Variants in TINAGL1 observed in about 807,000 individuals in gnomAD.
TINAGL1 encodes tubulointerstitial nephritis antigen like 1.
In TINAGL1, 34 loss-of-function variants were observed where a neutral mutation model predicts 62.0. The ratio of observed to expected loss-of-function variants is 0.55; its 90% CI spans 0.42 to 0.73. The LOEUF (loss-of-function observed/expected upper bound fraction) is 0.73. Among genes scored for constraint, TINAGL1 ranks in the 30% least tolerant of loss-of-function variants. TINAGL1 has a pLI of 0.00. For missense variants in TINAGL1, 516 were observed against 653.2 expected (o/e 0.79, Z 2.29); for synonymous variants, 221 against 249.7 (o/e 0.88, Z 1.08).
chr1:31,579,422 A>T (rs944286218), intron 3 of TINAGL1, among the ~76,000 whole-genome samples, 155 bp downstream of exon 3: 1 of 152,214 alleles, frequency 6.6e-6, no homozygotes, highest in African/African-American at 2.4e-5. Context: ...TTTAACACTG[A>T]CCAAGTCAAC....
intron 3 of TINAGL1, chr1:31,580,304 T>C (rs1263851007): frequency 1.6e-5 from 20 of 1,252,596 alleles, no homozygotes; most frequent in Middle Eastern, 4.8e-4. Flanking sequence ...TCTGGAATGC[T>C]GGGACCTGCT....
chr1:31,577,158 T>G lies in TINAGL1; in HGVS notation c.10T>G (p.Cys4Gly). MWRCPLGLLLLLPL... is the reference protein window; with the variant it reads MWRGPLGLLLLLPL... ...GGGCCCAGGAGCCACCATGTGGCGA[T>G]GTCCACTGGGGCTACTGCTGTTGCT... Residue 4 changes from cysteine to glycine, a missense_variant, in exon 2 of 12, where the codon TGT becomes GGT. Cys to Gly is a radical substitution (Grantham distance 159). Transcript: ENST00000271064. This position sits in a 1 kb window ranked among gnomAD's most constrained non-coding sequence, Gnocchi z 5.4. The G allele has an allele frequency of 6.5e-7, 1 of 1,534,608 alleles. No individual in the cohort carries two copies. The highest frequency in any genetic ancestry group is 8.7e-7 in the Non-Finnish European group (1 of 1,144,540).
Position 31,585,915 on chromosome 1 carries a change from G to A in TINAGL1, c.1217+39G>A. On this transcript the variant is annotated intron_variant, in intron 10 of 11. Coordinates refer to ENST00000271064, the MANE Select transcript of TINAGL1 (RefSeq NM_022164.3). This position sits in a 1 kb window ranked among gnomAD's most constrained non-coding sequence, Gnocchi z 4.3. ...GGGCAGAGGGGGTTTGGGACAGCAG[G>A]GTTTGTGCTAGGGGCTCTGGAGCCT... 6.5e-7 allele frequency: 1 copy of A among 1,543,694 alleles called. No homozygotes were observed. The highest frequency in any genetic ancestry group is 8.8e-7 in the Non-Finnish European group (1 of 1,142,720).
rs114659838 is a variant in TINAGL1, at chr1:31,582,850, A to G, written c.375-299A>G. On this transcript the variant is annotated intron_variant, in intron 3 of 11. Coordinates refer to ENST00000271064, the MANE Select transcript of TINAGL1 (RefSeq NM_022164.3). Reference sequence around the variant, plus strand: ...CCGTTTTCTGAGAACTGTAGGGGGAATAAGTGAGGGGGGTCAGGAATTCGG... The same window carrying G: ...CCGTTTTCTGAGAACTGTAGGGGGAGTAAGTGAGGGGGGTCAGGAATTCGG... Among the ~76,000 whole-genome samples, 1,436 of 148,722 alleles carry G rather than the reference A, an allele frequency of 9.7e-3. 14 individuals are homozygous for G. Among genetic ancestry groups the G allele is most frequent in the Middle Eastern group, 0.031 (9 of 292 alleles).
Position 31,576,893 on chromosome 1 carries a change from A to G in TINAGL1, c.-15-241A>G. On this transcript the variant is annotated intron_variant, in intron 1 of 11. Transcript: ENST00000271064. This position sits in a 1 kb window ranked among gnomAD's most constrained non-coding sequence, Gnocchi z 5.1. Reference sequence around the variant, plus strand: ...GAGCACCAAGAATGCCACCACCCTCATTTCCTTGTCCTTGAAGGTCCCTGC... The same window carrying G: ...GAGCACCAAGAATGCCACCACCCTCGTTTCCTTGTCCTTGAAGGTCCCTGC... The G allele has an allele frequency of 2.2e-6, 1 of 447,184 alleles. No homozygotes were observed. The highest frequency in any genetic ancestry group is 3.9e-6 in the Non-Finnish European group (1 of 253,788). 27.7% of individuals were successfully genotyped at this position (447,184 alleles called of 1,614,324 possible).
rs1191894452 is a variant in TINAGL1, at chr1:31,577,394, C to T, written c.246C>T (p.Ser82=). 3.7e-6 allele frequency: 6 copies of T among 1,613,984 alleles called. No individual in the cohort carries two copies. Among genetic ancestry groups the T allele is most frequent in the Admixed American group, 1.7e-5 (1 of 60,014 alleles). Residue 82 remains serine, a synonymous_variant, in exon 2 of 12, where the codon TCC becomes TCT. Coordinates refer to ENST00000271064, the MANE Select transcript of TINAGL1 (RefSeq NM_022164.3). The surrounding 1 kb of genome is among the most constrained non-coding windows in gnomAD (Gnocchi z 5.4). ...YCDLFCNRTV[S]DCCPDFWDFC... is the part of the protein sequence containing the mutation. ...ACCTCTTCTGCAACCGCACGGTCTC[C>T]GACTGCTGCCCTGACTTCTGGGACT...
chr1:31,583,856 G>A lies in TINAGL1; in HGVS notation c.582+281G>A. 1 of 414,664 alleles carries A rather than the reference G, an allele frequency of 2.4e-6. No homozygotes were observed. The highest frequency in any genetic ancestry group is 4.3e-5 in the East Asian group (1 of 23,220). The allele number at this position is 414,664 out of a possible 1,614,324, so 25.7% of individuals were successfully genotyped here. A position where few individuals can be genotyped will look rare whatever the true frequency, so the allele number is the denominator to read the frequency against. On this transcript the variant is annotated intron_variant, in intron 5 of 11. Transcript: ENST00000271064. The surrounding 1 kb of genome is among the most constrained non-coding windows in gnomAD (Gnocchi z 4.4). ...AAATGCTGTTGGTCTCAGTACAGCT[G>A]GGTTAGGGCCCAAGGGGACAGGGGG...
At position 31,583,301 on chromosome 1, in the gene TINAGL1, G is replaced by T; in HGVS notation, c.467+60G>T. ...CATGCATACTCATGCATGTATACAC[G>T]CATGCTGTGCTGTGGGGCACGTCCA... On this transcript the variant is annotated intron_variant, in intron 4 of 11. Transcript: ENST00000271064. The surrounding 1 kb of genome is among the most constrained non-coding windows in gnomAD (Gnocchi z 4.4). The T allele has an allele frequency of 6.4e-7, 1 of 1,562,214 alleles. No homozygotes were observed. Among genetic ancestry groups the T allele is most frequent in the Non-Finnish European group, 8.8e-7 (1 of 1,133,704 alleles).
At chr1:31,578,940 G>GTT in intron 2 of TINAGL1, among the ~76,000 whole-genome samples, 2 of 194 alleles carry the variant, frequency 0.01, no homozygotes, top group Admixed American at 0.036. Flanking sequence ...AGTGAGAGCT[G>GTT]GTATGTGTGT....
At chr1:31,582,084 C>G (rs1639260838) in intron 3 of TINAGL1, among the ~76,000 whole-genome samples, 1 of 152,202 alleles carries the variant, frequency 6.6e-6, no homozygotes, top group Admixed American at 6.5e-5. Context: ...AATCTCAGCA[C>G]TTTGGAAGGC....
chr1:31,579,723 C>T (rs1269999971), intron 3 of TINAGL1: 1 of 164,994 alleles, frequency 6.1e-6, no homozygotes, highest in Non-Finnish European at 1.3e-5. Context: ...CTTTTTCCTT[C>T]CCCACCCCTC....
intron 3 of TINAGL1, chr1:31,580,358 AAGG>A (rs1570204769): frequency 7.8e-7 from 1 of 1,286,990 alleles, no homozygotes; most frequent in African/African-American, 1.5e-5. Context: ...CCTGGGGGCA[AAGG>A]AGGAGATGGC....
At position 31,577,450 on chromosome 1, in the gene TINAGL1, C is replaced by T. The variant is rs763179305; in HGVS notation, c.302C>T (p.Pro101Leu). Residue 101 changes from proline (P) to leucine (L), a missense_variant, in exon 2 of 12, where the codon CCG becomes CTG. Physicochemically the swap from Pro to Leu is moderately conservative, Grantham distance 98. Transcript: ENST00000271064. The surrounding 1 kb of genome is among the most constrained non-coding windows in gnomAD (Gnocchi z 5.4). ...FCLGVPPPFP[P>L]IQGCMHGGRI... The stretch of plus-strand genomic sequence containing the variant: ...CTCGGCGTGCCACCCCCTTTTCCCC[C>T]GATCCAAGGTGGGCACTAAGATGGC... 14 of 1,608,874 alleles carry T rather than the reference C, an allele frequency of 8.7e-6. No homozygotes were observed. The highest frequency in any genetic ancestry group is 4.0e-5 in the African/African-American group (3 of 74,864).
rs768476385 is a variant in TINAGL1, at chr1:31,584,642, G to C, written c.583-36G>C. On this transcript the variant is annotated intron_variant, in intron 5 of 11. Coordinates refer to ENST00000271064, the MANE Select transcript of TINAGL1 (RefSeq NM_022164.3). This position sits in a 1 kb window ranked among gnomAD's most constrained non-coding sequence, Gnocchi z 4.0. The stretch of plus-strand genomic sequence containing the variant: ...GGCACCTGAGGGGCAGGCCAGGGCA[G>C]AGCAGGAGGCAGACAGGGCAACCTT... The C allele has an allele frequency of 9.9e-6, 16 of 1,612,234 alleles. No individual in the cohort carries two copies. The highest frequency in any genetic ancestry group is 4.4e-4 in the Middle Eastern group (2 of 4,572).
At position 31,584,484 on chromosome 1, in the gene TINAGL1, C is replaced by T. The variant is rs74063905; in HGVS notation, c.583-194C>T. 0.011 allele frequency: 8,646 copies of T among 777,820 alleles called. 582 individuals are homozygous for T. In the African/African-American group the frequency reaches 0.14, roughly 13 times the overall value. The allele number at this position is 777,820 out of a possible 1,614,324, so 48.2% of individuals were successfully genotyped here. On this transcript the variant is annotated intron_variant, in intron 5 of 11. Transcript: ENST00000271064. The surrounding 1 kb of genome is among the most constrained non-coding windows in gnomAD (Gnocchi z 4.0). ...CCCGCCCCGCCCCACCACCTGATAC[C>T]TGGGAGGCACTAAATGGTGCTTGGT...
intron 2 of TINAGL1, 137 bp from the exon 3 acceptor site, chr1:31,579,067 G>GTTATAATTTAATTTCAGTGAGAGCTGGTA: frequency 4.5e-6 from 3 of 663,394 alleles, no homozygotes; most frequent in Non-Finnish European, 5.5e-6. Context: ...GCTGGTATGT[G>GTTATAATTTAATTTCAGTGAGAGCTGGTA]TGTGTGTGTG....
At chr1:31,582,838 A>G (rs954674798) in intron 3 of TINAGL1, among the ~76,000 whole-genome samples, 1 of 148,530 alleles carries the variant, frequency 6.7e-6, no homozygotes, top group African/African-American at 2.5e-5. Context: ...TTTTCTGAGA[A>G]CTGTAGGGGG....
intron 3 of TINAGL1, among the ~76,000 whole-genome samples, chr1:31,582,528 C>T (rs968769561): frequency 1.3e-5 from 2 of 151,980 alleles, no homozygotes; most frequent in African/African-American, 2.4e-5. Flanking sequence ...GGCAGAGGAA[C>T]GACATGATAT....
Position 31,586,674 on chromosome 1 carries a change from C to T in TINAGL1, c.1218-36C>T, listed in dbSNP as rs373683998. ...ATTGGAGCTCCTGAGAGCAGGTAGA[C>T]CCAGCTCCCTTCCCCCTCCTCTGCT... On this transcript the variant is annotated intron_variant, in intron 10 of 11. Transcript: ENST00000271064. 1.3e-4 allele frequency: 199 copies of T among 1,555,038 alleles called. No homozygotes were observed. The African/African-American group carries it at 2.4e-3, about 18-fold the overall frequency.
Sources: gnomAD v4.1 joint callset for allele counts (sites outside exome capture counted in the v4.1 genomes callset) on GRCh38, gnomAD v4.1.1 for gene constraint, Gnocchi (gnomAD v3.1) non-coding constraint, MANE v1.5 for transcripts, NCBI Gene and HGNC (gene_info 2026-07-23, HGNC 2026-07-21) for gene names.